Variants in UBE3C observed in about 807,000 individuals in gnomAD.
UBE3C encodes the protein ubiquitin protein ligase E3C.
Under a neutral mutation model 129.4 loss-of-function variants are expected in UBE3C, and 42 were observed. That is an observed-to-expected ratio of 0.32 (90% confidence interval 0.25 to 0.42). UBE3C has a LOEUF of 0.42. Among genes scored for constraint, UBE3C ranks in the 10% least tolerant of loss-of-function variants. The pLI is 1.00. For missense variants in UBE3C, 1,049 were observed against 1,319.1 expected, an observed-to-expected ratio of 0.80 and a Z score of 3.17; for synonymous variants, 510 against 492.4, an observed-to-expected ratio of 1.04 and a Z score of -0.47.
intron 10 of UBE3C, among the ~76,000 whole-genome samples, chr7:157,193,661 C>CT (rs35221804): frequency 0.39 from 54,699 of 140,668 alleles, 10,403 homozygotes; most frequent in African/African-American, 0.45. Context: ...AGAAATTTGT[C>CT]TTTTTTTTTT....
intron 18 of UBE3C, among the ~76,000 whole-genome samples, chr7:157,243,250 G>T (rs1796392786): frequency 6.6e-6 from 1 of 152,200 alleles, no homozygotes; most frequent in Non-Finnish European, 1.5e-5. Flanking sequence ...ATCTCTGCAG[G>T]CTTTCCTTGT....
At chr7:157,206,885 A>G (rs1361529639) in intron 11 of UBE3C, among the ~76,000 whole-genome samples, 1 of 152,264 alleles carries the variant, frequency 6.6e-6, no homozygotes, top group Non-Finnish European at 1.5e-5. Flanking sequence ...CAAGGCCACC[A>G]TAGAGAACTG....
At chr7:157,192,574 T>C (rs183783238) in intron 10 of UBE3C, 46 of 765,576 alleles carry the variant, frequency 6.0e-5, no homozygotes, top group Middle Eastern at 3.6e-4. Flanking sequence ...CTTCATCTTG[T>C]GTTGAGACTT....
At chr7:157,178,888 G>A (rs778901079) in intron 6 of UBE3C, 41 bp downstream of exon 6, 2 of 1,601,114 alleles carry the variant, frequency 1.2e-6, no homozygotes, top group African/African-American at 2.7e-5. Context: ...TCAGCATCCT[G>A]ATGGGGAGTG....
chr7:157,242,739 A>G (rs1003137768), intron 18 of UBE3C, among the ~76,000 whole-genome samples: 1 of 152,074 alleles, frequency 6.6e-6, no homozygotes, highest in African/African-American at 2.4e-5. Context: ...CCTGGAAGCC[A>G]TAGAACTAGA....
chr7:157,157,535 A>G (rs1807944957), intron 1 of UBE3C, among the ~76,000 whole-genome samples: 1 of 151,940 alleles, frequency 6.6e-6, no homozygotes, highest in Non-Finnish European at 1.5e-5. Flanking sequence ...GGCAATTTGG[A>G]AATATTCATT....
Position 157,192,804 on chromosome 7 carries a change from A to G in UBE3C, c.1331+5783A>G. 1.2e-5 allele frequency: 15 copies of G among 1,295,674 alleles called. 1 individual carries two copies. The South Asian group carries it at 1.7e-4, about 14-fold the overall frequency. 80.3% of individuals were successfully genotyped at this position (1,295,674 alleles called of 1,614,324 possible). On this transcript the variant is annotated intron_variant, in intron 10 of 22. Transcript: ENST00000348165. ...TTATTGTGGCAAATGTTGTCTGACT[A>G]CTGCTTCAACAAACCAGAAGACAAG...
rs190625640 is a variant in UBE3C at position 157,250,735 on chromosome 7, G to T, written c.2694+2155G>T. 2.3e-3 allele frequency among the ~76,000 whole-genome samples: 356 copies of T among 152,228 alleles called. 2 individuals are homozygous for T. The highest frequency in any genetic ancestry group is 8.0e-3 in the African/African-American group (332 of 41,534). On this transcript the variant is annotated intron_variant, in intron 19 of 22. Coordinates refer to ENST00000348165, the MANE Select transcript of UBE3C (RefSeq NM_014671.3). ...GCAAAATTTAGATAATTTGGCGGGG[G>T]GGCTGTTACTGTCATTAGGAAGTAC...
chr7:157,194,055 T>C (rs1809049483), intron 10 of UBE3C, among the ~76,000 whole-genome samples: 2 of 152,250 alleles, frequency 1.3e-5, no homozygotes. Flanking sequence ...CCTGTTTTGT[T>C]AATCCAAAAC....
intron 18 of UBE3C, among the ~76,000 whole-genome samples, chr7:157,242,523 T>TG: frequency 6.8e-6 from 1 of 147,030 alleles, no homozygotes. Context: ...TGTTTTTTTT[T>TG]TTTTTTTTTT....
At chr7:157,168,676 TAAGTG>T (rs1399758095) in intron 2 of UBE3C, among the ~76,000 whole-genome samples, 1 of 152,216 alleles carries the variant, frequency 6.6e-6, no homozygotes, top group Non-Finnish European at 1.5e-5. Flanking sequence ...AACATCATGC[TAAGTG>T]AAGAAAACCA....
intron 13 of UBE3C, among the ~76,000 whole-genome samples, chr7:157,208,222 A>G (rs1809494777): frequency 6.6e-6 from 1 of 151,572 alleles, no homozygotes; most frequent in South Asian, 2.1e-4. Flanking sequence ...CTACTGGCAC[A>G]TGCCACCACA....
chr7:157,204,887 C>T (rs1297079086), intron 11 of UBE3C, among the ~76,000 whole-genome samples: 1 of 152,176 alleles, frequency 6.6e-6, no homozygotes, highest in African/African-American at 2.4e-5. Flanking sequence ...TTCTTAAAAG[C>T]TCTTTGCAAG....
chr7:157,248,732 C>G, intron 19 of UBE3C, 152 bp downstream of exon 19: 2 of 782,932 alleles, frequency 2.6e-6, no homozygotes, highest in Non-Finnish European at 4.1e-6. Flanking sequence ...CATATAGCTC[C>G]AAAGCACCTT....
At position 157,221,042 on chromosome 7, in the gene UBE3C, C is replaced by T. The variant is rs1795723123; in HGVS notation, c.2002+266C>T. On this transcript the variant is annotated intron_variant, in intron 15 of 22. Coordinates refer to ENST00000348165, the MANE Select transcript of UBE3C (RefSeq NM_014671.3). ...AAAGGGAACCATGCTGTGTAGTCTG[C>T]TCCTGGCTCCTTTTGGTCAGCACGC... 1.2e-5 allele frequency: 4 copies of T among 342,608 alleles called. No homozygotes were observed. In the South Asian group the frequency reaches 1.3e-4, roughly 11 times the overall value. 21.2% of individuals were successfully genotyped at this position (342,608 alleles called of 1,614,324 possible).
At chr7:157,179,824 G>T (rs1424508664) in intron 6 of UBE3C, among the ~76,000 whole-genome samples, 1 of 152,108 alleles carries the variant, frequency 6.6e-6, no homozygotes, top group Non-Finnish European at 1.5e-5. Context: ...ACTCATTTCA[G>T]CCTTGCTGCT....
intron 19 of UBE3C, among the ~76,000 whole-genome samples, chr7:157,252,216 A>G (rs1287467051): frequency 3.3e-5 from 5 of 152,202 alleles, no homozygotes; most frequent in African/African-American, 1.2e-4. Context: ...CCTTTAACTG[A>G]TAACTTCACT....
At chr7:157,239,780 A>T (rs1796253040) in intron 18 of UBE3C, among the ~76,000 whole-genome samples, 2 of 152,144 alleles carry the variant, frequency 1.3e-5, no homozygotes, top group Admixed American at 1.3e-4. Flanking sequence ...CTGCAAAGTG[A>T]GGGTGTGGGG....
chr7:157,174,787 A>G (rs1240107152), intron 4 of UBE3C, 132 bp from the exon 5 acceptor site: 5 of 625,052 alleles, frequency 8.0e-6, no homozygotes, highest in African/African-American at 1.9e-5. Flanking sequence ...TAGAATATTT[A>G]CTTCTTAACC....
Sources: gnomAD v4.1 joint callset for allele counts (sites outside exome capture counted in the v4.1 genomes callset) on GRCh38, gnomAD v4.1.1 for gene constraint, MANE v1.5 for transcripts, NCBI Gene and HGNC (gene_info 2026-07-23, HGNC 2026-07-21) for gene names.